FBXL4: variants seen among roughly 807,000 people sequenced by gnomAD.
FBXL4 encodes F-box/LRR-repeat protein 4.
FBXL4 carries 40 observed loss-of-function variants against 58.9 expected under a neutral mutation model. The ratio of observed to expected loss-of-function variants is 0.68; its 90% confidence interval spans 0.53 to 0.88. The LOEUF (loss-of-function observed/expected upper bound fraction) is 0.88, where lower values mean the gene tolerates loss of function less well. FBXL4 is among the 40% of genes least tolerant of loss of function. The pLI, the probability that FBXL4 is intolerant of heterozygous loss-of-function variation, is 0.00. For missense variants in FBXL4, 676 were observed against 734.4 expected (o/e 0.92, Z 0.92); for synonymous variants, 263 against 265.5 (o/e 0.99, Z 0.09).
chr6:98,894,183 T>C (rs1002432534), intron 7 of FBXL4, among the ~76,000 whole-genome samples: 6 of 152,232 alleles, frequency 3.9e-5, no homozygotes, highest in Non-Finnish European at 8.8e-5. Context: ...GCTAGATTTT[T>C]ACAGCTCTAC....
chr6:98,869,949 T>G lies in FBXL4; in HGVS notation c.*4329A>C, dbSNP rs1770449908. The G allele has an allele frequency of 6.6e-6, 1 of 152,190 alleles. No individual in the cohort carries two copies. The highest frequency in any genetic ancestry group is 2.4e-5 in the African/African-American group (1 of 41,452). 9.4% of individuals were successfully genotyped at this position (152,190 alleles called of 1,614,324 possible). ...ATCAGGGATATCTTTATTTCTAGAC[T>G]CTGGGAAGATAATTTACCTGAGCAA... On this transcript the variant is annotated 3_prime_UTR_variant, in exon 10 of 10. Transcript: ENST00000369244.
At chr6:98,914,304 T>C (rs1772233129) in intron 5 of FBXL4, among the ~76,000 whole-genome samples, 1 of 152,184 alleles carries the variant, frequency 6.6e-6, no homozygotes, top group Non-Finnish European at 1.5e-5. Context: ...GAATCCTCCC[T>C]AACTCATTTT....
At chr6:98,918,577 G>A (rs1341900955) in intron 4 of FBXL4, among the ~76,000 whole-genome samples, 1 of 151,932 alleles carries the variant, frequency 6.6e-6, no homozygotes, top group Admixed American at 6.6e-5. Flanking sequence ...CATAATAATA[G>A]CATCATCAGG....
At chr6:98,903,716 G>A (rs1455241396) in intron 6 of FBXL4, among the ~76,000 whole-genome samples, 1 of 152,042 alleles carries the variant, frequency 6.6e-6, no homozygotes, top group Non-Finnish European at 1.5e-5. Context: ...ATTAATATTA[G>A]CTTTATATTT....
rs966365546 is a variant in FBXL4, at chr6:98,941,879, T to C, written c.-309+5927A>G. 1.5e-4 allele frequency among the ~76,000 whole-genome samples: 23 copies of C among 152,250 alleles called. 1 individual carries two copies. The highest frequency in any genetic ancestry group is 5.3e-4 in the African/African-American group (22 of 41,510). ...CAATAGTTTTTTTTAAAAATCATTG[T>C]TTAGTGTTAATTAATAGGTTATAGG... On this transcript the variant is annotated intron_variant, in intron 1 of 9. Coordinates refer to ENST00000369244, the MANE Select transcript of FBXL4 (RefSeq NM_001278716.2).
chr6:98,899,550 T>C (rs961651532), intron 6 of FBXL4, 69 bp from the exon 7 acceptor site: 7 of 1,511,296 alleles, frequency 4.6e-6, no homozygotes, highest in Non-Finnish European at 6.3e-6. Flanking sequence ...TTTGGAATTT[T>C]AGCAACTCTA....
intron 1 of FBXL4, among the ~76,000 whole-genome samples, chr6:98,946,888 AT>A (rs1243585575): frequency 6.6e-6 from 1 of 152,216 alleles, no homozygotes; most frequent in Admixed American, 6.5e-5. Flanking sequence ...CAGATACAAT[AT>A]GCGGTACAGG....
rs1361823066 is a variant in FBXL4, at chr6:98,905,661, G to T, written c.868C>A (p.Leu290Met). ...FDKLPYELIQ[L>M]ILNHLTLPDL... ...GGTAGTGTAAGATGATTCAGAATCA[G>T]CTGAATAAGCTAAATAAGACAGAGA... Residue 290 changes from leucine to methionine, a missense_variant, in exon 6 of 10, where the codon CTG becomes ATG. Transcript: ENST00000369244. The T allele has an allele frequency of 1.2e-6, 2 of 1,613,326 alleles. No homozygotes were observed. Among genetic ancestry groups the T allele is most frequent in the South Asian group, 2.2e-5 (2 of 91,042 alleles).
intron 5 of FBXL4, among the ~76,000 whole-genome samples, chr6:98,908,210 C>T (rs1260995398): frequency 1.3e-5 from 2 of 152,138 alleles, no homozygotes; most frequent in Non-Finnish European, 2.9e-5. Flanking sequence ...TCCCTCTCCC[C>T]AAAGATAATC....
At chr6:98,926,280 GAGGTATTAC>G (rs1772775376) in intron 4 of FBXL4, among the ~76,000 whole-genome samples, 188 bp downstream of exon 4, 1 of 152,140 alleles carries the variant, frequency 6.6e-6, no homozygotes, top group Non-Finnish European at 1.5e-5. Context: ...ATTACAGTAT[GAGGTATTAC>G]AGGTATAAAG....
intron 1 of FBXL4, among the ~76,000 whole-genome samples, chr6:98,941,190 G>A (rs1360739353): frequency 1.3e-5 from 2 of 151,610 alleles, no homozygotes; most frequent in Non-Finnish European, 1.5e-5. Context: ...ACAGATGCAT[G>A]TACAGTGTTA....
intron 2 of FBXL4, among the ~76,000 whole-genome samples, chr6:98,932,162 C>T (rs1773037650): frequency 6.6e-6 from 1 of 152,084 alleles, no homozygotes; most frequent in Admixed American, 6.6e-5. Context: ...ACTTTAAGGA[C>T]TCACAACATA....
intron 5 of FBXL4, among the ~76,000 whole-genome samples, chr6:98,906,768 C>A (rs1206021818): frequency 2.0e-5 from 3 of 152,168 alleles, no homozygotes; most frequent in Admixed American, 6.5e-5. Flanking sequence ...CAATGGTTGA[C>A]TAATTTACAC....
Position 98,874,249 on chromosome 6 carries a change from AT to A in FBXL4, c.*28del, listed in dbSNP as rs1373967872. On this transcript the variant is annotated 3_prime_UTR_variant, in exon 10 of 10. Transcript: ENST00000369244. The stretch of plus-strand genomic sequence containing the variant: ...CCAAAATTAAACCCCAACAAAGCAC[AT>A]TAATTTTAATACAGAACATATATTA... 6.7e-7 allele frequency: 1 copy of A among 1,492,624 alleles called. No homozygotes were observed. The highest frequency in any genetic ancestry group is 1.4e-5 in the African/African-American group (1 of 69,768). 92.5% of individuals were successfully genotyped at this position (1,492,624 alleles called of 1,614,324 possible). A position where few individuals can be genotyped will look rare whatever the true frequency, so the allele number is the denominator to read the frequency against.
intron 6 of FBXL4, among the ~76,000 whole-genome samples, chr6:98,900,835 T>C (rs1020849081): frequency 2.0e-5 from 3 of 152,162 alleles, no homozygotes; most frequent in African/African-American, 7.2e-5. Flanking sequence ...ATTTGTGACA[T>C]TTCATACAAC....
intron 5 of FBXL4, among the ~76,000 whole-genome samples, chr6:98,912,307 A>T (rs1321128334): frequency 1.3e-5 from 2 of 152,200 alleles, no homozygotes; most frequent in Non-Finnish European, 2.9e-5. Flanking sequence ...CAACATTCAG[A>T]TTCAGGAGAT....
intron 7 of FBXL4, among the ~76,000 whole-genome samples, chr6:98,894,903 T>A (rs190514668): frequency 6.6e-6 from 1 of 152,290 alleles, no homozygotes; most frequent in Non-Finnish European, 1.5e-5. Flanking sequence ...TACTATCTTA[T>A]AAGGCTAAAA....
At chr6:98,887,968 T>C (rs1274300280) in intron 7 of FBXL4, among the ~76,000 whole-genome samples, 1 of 152,342 alleles carries the variant, frequency 6.6e-6, no homozygotes, top group African/African-American at 2.4e-5. Flanking sequence ...CAGTTTACAA[T>C]GTCTTTAAAT....
chr6:98,882,161 C>T (rs989934817), intron 7 of FBXL4, among the ~76,000 whole-genome samples: 5 of 152,020 alleles, frequency 3.3e-5, no homozygotes, highest in Non-Finnish European at 7.4e-5. Context: ...TATGAAGAAT[C>T]TCAAATACAC....
Sources: gnomAD v4.1 joint callset for allele counts (sites outside exome capture counted in the v4.1 genomes callset) on GRCh38, gnomAD v4.1.1 for gene constraint, MANE v1.5 for transcripts, NCBI Gene and HGNC (gene_info 2026-07-23, HGNC 2026-07-21) for gene names.